Variants in KCNT2 observed in about 807,000 individuals in gnomAD.
The protein encoded by KCNT2 is potassium sodium-activated channel subfamily T member 2, also known as potassium channel subfamily T member 2.
In KCNT2, 67 loss-of-function variants were observed where a neutral mutation model predicts 153.8. The observed-to-expected ratio is 0.44, with a 90% CI of 0.36 to 0.53. The LOEUF (loss-of-function observed/expected upper bound fraction) is 0.53. Ranked by LOEUF, KCNT2 falls within the 20% of genes least tolerant of loss-of-function variation. The pLI, the probability that KCNT2 is intolerant of heterozygous loss-of-function variation, is 0.00. For synonymous variants in KCNT2, 500 were observed against 458.8 expected (o/e 1.09, Z -1.15); for missense variants, 975 against 1,354.8 (o/e 0.72, Z 4.40).
intron 1 of KCNT2, among the ~76,000 whole-genome samples, chr1:196,570,097 A>T (rs1369806908): frequency 7.4e-6 from 1 of 134,508 alleles, no homozygotes; most frequent in Non-Finnish European, 1.6e-5. Context: ...AAAAAAAAAA[A>T]ATTAAAGGCC....
Position 196,521,192 on chromosome 1 carries a change from AT to A in KCNT2, c.96-28852del, listed in dbSNP as rs541719266. Among the ~76,000 whole-genome samples, 39 of 152,354 alleles carry A rather than the reference AT, an allele frequency of 2.6e-4. No individual in the cohort carries two copies. In the South Asian group the frequency reaches 8.1e-3, roughly 32 times the overall value. On this transcript the variant is annotated intron_variant, in intron 1 of 27. Transcript: ENST00000294725. ...CATGCAACCAACAATCATATAAAAAATAGCTCAACATCACTGATCATTAGAG... is the reference window on the plus strand; with the variant it reads ...CATGCAACCAACAATCATATAAAAAAAGCTCAACATCACTGATCATTAGAG...
intron 1 of KCNT2, among the ~76,000 whole-genome samples, chr1:196,575,464 T>C (rs1010882126): frequency 3.9e-5 from 6 of 152,088 alleles, no homozygotes; most frequent in Non-Finnish European, 8.8e-5. Flanking sequence ...TAACGTCTAA[T>C]GGGAAAACAT....
intron 11 of KCNT2, among the ~76,000 whole-genome samples, chr1:196,424,361 C>T (rs918662640): frequency 2.5e-4 from 38 of 152,004 alleles, no homozygotes; most frequent in African/African-American, 8.9e-4. Context: ...GTGTGAAGAA[C>T]TTAACTATCA....
chr1:196,244,888 T>A (rs1655286001), intron 26 of KCNT2, among the ~76,000 whole-genome samples: 1 of 152,148 alleles, frequency 6.6e-6, no homozygotes, highest in Non-Finnish European at 1.5e-5. Context: ...ACCACAAGCC[T>A]TGGGCAAGGC....
chr1:196,538,213 C>A (rs1655864499), intron 1 of KCNT2, among the ~76,000 whole-genome samples: 1 of 152,058 alleles, frequency 6.6e-6, no homozygotes, highest in Admixed American at 6.5e-5. Flanking sequence ...ATGGAGGACC[C>A]ATCTACTGCC....
At chr1:196,249,748 C>A (rs1466093311) in intron 26 of KCNT2, among the ~76,000 whole-genome samples, 1 of 151,314 alleles carries the variant, frequency 6.6e-6, no homozygotes, top group Non-Finnish European at 1.5e-5. Flanking sequence ...GCACTCCAGC[C>A]TGGATGACAA....
rs538174185 is a variant in KCNT2, at chr1:196,305,608, T to C, written c.2484-263A>G. On this transcript the variant is annotated intron_variant, in intron 21 of 27. Transcript: ENST00000294725. ...TTTTTTAGACATTTTCTCTTTACAA[T>C]TATGGAACAACATAGAAGAAACTCA... Among the ~76,000 whole-genome samples the C allele has an allele frequency of 3.9e-5, 6 of 152,228 alleles. No individual in the cohort carries two copies. The East Asian group carries it at 1.2e-3, about 29-fold the overall frequency.
chr1:196,244,513 C>A (rs113670468), intron 26 of KCNT2, among the ~76,000 whole-genome samples: 2 of 152,108 alleles, frequency 1.3e-5, no homozygotes, highest in African/African-American at 4.8e-5. Flanking sequence ...TCACCAAAAT[C>A]TGACTGAAGA....
intron 1 of KCNT2, among the ~76,000 whole-genome samples, chr1:196,566,301 A>G (rs889023939): frequency 6.6e-6 from 1 of 152,034 alleles, no homozygotes; most frequent in African/African-American, 2.4e-5. Flanking sequence ...AGTGACCTGA[A>G]TAAAGCAGTT....
chr1:196,441,532 T>G (rs1464173143), intron 8 of KCNT2, among the ~76,000 whole-genome samples: 1 of 151,548 alleles, frequency 6.6e-6, no homozygotes, highest in Non-Finnish European at 1.5e-5. Flanking sequence ...GTGTTCTTTC[T>G]TATATTAAAT....
At chr1:196,556,498 C>T (rs1483601105) in intron 1 of KCNT2, among the ~76,000 whole-genome samples, 1 of 151,204 alleles carries the variant, frequency 6.6e-6, no homozygotes, top group Non-Finnish European at 1.5e-5. Context: ...TCAGCAATAA[C>T]AAATGCTAGT....
At chr1:196,290,692 A>ATC (rs1660111512) in intron 22 of KCNT2, among the ~76,000 whole-genome samples, 1 of 151,968 alleles carries the variant, frequency 6.6e-6, no homozygotes, top group African/African-American at 2.4e-5. Context: ...TGTATCATTT[A>ATC]TCTCACTAAG....
intron 8 of KCNT2, 90 bp from the exon 9 acceptor site, chr1:196,429,847 C>T: frequency 1.2e-6 from 1 of 816,612 alleles, no homozygotes; most frequent in East Asian, 2.7e-5. Flanking sequence ...AAGCACATTT[C>T]ATAAAGCCAT....
chr1:196,437,940 A>G (rs1674871328), intron 8 of KCNT2, among the ~76,000 whole-genome samples: 1 of 151,546 alleles, frequency 6.6e-6, no homozygotes, highest in Admixed American at 6.6e-5. Flanking sequence ...GTGAATGATT[A>G]TGACCTCACT....
In KCNT2 at chr1:196,483,893, C is replaced by T. The variant is rs542165327; in HGVS notation, c.276-1514G>A. Reference sequence around the variant, plus strand: ...TATATTAAACTAGGTAACCAATGATCAATGATAAATGGTGCCAATTAAGTC... The same window carrying T: ...TATATTAAACTAGGTAACCAATGATTAATGATAAATGGTGCCAATTAAGTC... On this transcript the variant is annotated intron_variant, in intron 3 of 27. Coordinates refer to ENST00000294725, the MANE Select transcript of KCNT2 (RefSeq NM_198503.5). 2.0e-5 allele frequency among the ~76,000 whole-genome samples: 3 copies of T among 152,230 alleles called. No homozygotes were observed. In the South Asian group the frequency reaches 6.2e-4, roughly 32 times the overall value.
intron 1 of KCNT2, among the ~76,000 whole-genome samples, chr1:196,543,745 T>C (rs1197014063): frequency 6.6e-6 from 1 of 152,168 alleles, no homozygotes; most frequent in Non-Finnish European, 1.5e-5. Context: ...ATGACAACCC[T>C]ATATGCTGTG....
intron 1 of KCNT2, among the ~76,000 whole-genome samples, chr1:196,493,950 A>G (rs982471945): frequency 2.6e-5 from 4 of 152,214 alleles, no homozygotes; most frequent in Non-Finnish European, 5.9e-5. Context: ...TCTCCAGACT[A>G]GAAGTTGGAA....
chr1:196,554,780 T>C (rs1005455813), intron 1 of KCNT2, among the ~76,000 whole-genome samples: 1 of 151,262 alleles, frequency 6.6e-6, no homozygotes, highest in African/African-American at 2.4e-5. Flanking sequence ...ATTGAAAAGA[T>C]CATTTATCAT....
intron 1 of KCNT2, among the ~76,000 whole-genome samples, chr1:196,563,132 A>G (rs1242414793): frequency 6.6e-6 from 1 of 151,998 alleles, no homozygotes; most frequent in Admixed American, 6.6e-5. Flanking sequence ...TCTAGGTCCT[A>G]ATCACTAGCC....
Sources: gnomAD v4.1 joint callset for allele counts (sites outside exome capture counted in the v4.1 genomes callset) on GRCh38, gnomAD v4.1.1 for gene constraint, MANE v1.5 for transcripts, NCBI Gene and HGNC (gene_info 2026-07-23, HGNC 2026-07-21) for gene names.